KLHL32: variants seen among roughly 807,000 people sequenced by gnomAD.
KLHL32 encodes the protein kelch-like protein 32.
A neutral mutation model predicts 64.8 loss-of-function variants in KLHL32; 35 were observed. The observed-to-expected ratio is 0.54, with a 90% CI of 0.41 to 0.72. KLHL32 has a LOEUF of 0.72. KLHL32 is among the 30% of genes least tolerant of loss of function. The pLI is 0.00. For synonymous variants in KLHL32, 259 were observed against 281.0 expected (o/e 0.92, Z 0.78); for missense variants, 589 against 768.5 (o/e 0.77, Z 2.76).
intron 4 of KLHL32, among the ~76,000 whole-genome samples, chr6:97,042,248 A>T (rs1373178088): frequency 6.6e-6 from 1 of 152,218 alleles, no homozygotes; most frequent in African/African-American, 2.4e-5. Context: ...AGTATCTTCT[A>T]TGCTAAAATG....
At chr6:97,087,442 GGA>G (rs1793581266) in intron 6 of KLHL32, among the ~76,000 whole-genome samples, 1 of 152,126 alleles carries the variant, frequency 6.6e-6, no homozygotes, top group Non-Finnish European at 1.5e-5. Flanking sequence ...TGGACAGGCT[GGA>G]GACAGATCTA....
chr6:96,937,214 G>C (rs12527378), intron 1 of KLHL32, among the ~76,000 whole-genome samples: 9,952 of 152,156 alleles, frequency 0.065, 399 homozygotes, highest in Middle Eastern at 0.14. Context: ...GTTCCCTCAT[G>C]CCCATTTGCA....
chr6:97,023,250 A>G (rs1193190954), intron 3 of KLHL32, among the ~76,000 whole-genome samples: 1 of 152,246 alleles, frequency 6.6e-6, no homozygotes, highest in Non-Finnish European at 1.5e-5. Flanking sequence ...TTTTTAAAAC[A>G]TTTGAAGGCA....
intron 1 of KLHL32, among the ~76,000 whole-genome samples, chr6:96,951,800 C>G (rs923941358): frequency 1.3e-5 from 2 of 152,096 alleles, no homozygotes; most frequent in Non-Finnish European, 2.9e-5. Flanking sequence ...AAATAATCCA[C>G]AAGGCTTGTT....
chr6:97,110,537 G>A (rs1796975389), intron 6 of KLHL32, among the ~76,000 whole-genome samples: 1 of 152,190 alleles, frequency 6.6e-6, no homozygotes, highest in African/African-American at 2.4e-5. Flanking sequence ...GCCTTAGAGA[G>A]TTTAGTGATT....
chr6:96,912,324 C>G, the KLHL32 span, among the ~76,000 whole-genome samples: 3 of 152,150 alleles, frequency 2.0e-5, no homozygotes, highest in Admixed American at 6.5e-5. Flanking sequence ...TGCTCATCAC[C>G]CTGATTAACC....
At chr6:96,996,290 T>C (rs1013336575) in intron 3 of KLHL32, among the ~76,000 whole-genome samples, 1 of 152,236 alleles carries the variant, frequency 6.6e-6, no homozygotes, top group Non-Finnish European at 1.5e-5. Context: ...GAAAATTAAA[T>C]ATTTGAGCAT....
At chr6:97,026,618 C>T (rs77224390) in intron 3 of KLHL32, among the ~76,000 whole-genome samples, 4,904 of 152,100 alleles carry the variant, frequency 0.032, 241 homozygotes, top group African/African-American at 0.11. Flanking sequence ...AATGCAAGAT[C>T]GAAGGGAGGG....
intron 3 of KLHL32, among the ~76,000 whole-genome samples, chr6:97,019,495 C>T (rs1019923790): frequency 2.0e-5 from 3 of 152,178 alleles, no homozygotes; most frequent in Non-Finnish European, 2.9e-5. Flanking sequence ...TGGGCCACCC[C>T]GGTAAGGTGT....
intron 1 of KLHL32, among the ~76,000 whole-genome samples, chr6:96,948,195 TG>T (rs1257936348): frequency 6.6e-6 from 1 of 152,194 alleles, no homozygotes; most frequent in Non-Finnish European, 1.5e-5. Flanking sequence ...CGCAGCACAA[TG>T]TACAATGAGC....
chr6:97,004,511 G>C (rs1214897258), intron 3 of KLHL32, among the ~76,000 whole-genome samples: 1 of 152,086 alleles, frequency 6.6e-6, no homozygotes, highest in Non-Finnish European at 1.5e-5. Flanking sequence ...TTCCAGTGCT[G>C]TGTTGAATAG....
intron 3 of KLHL32, among the ~76,000 whole-genome samples, chr6:97,016,426 C>T (rs1157168959): frequency 1.3e-5 from 2 of 152,180 alleles, no homozygotes; most frequent in Non-Finnish European, 2.9e-5. Flanking sequence ...TTAATGACTG[C>T]CTTGTTGGAT....
At chr6:96,910,254 A>C in the KLHL32 span, among the ~76,000 whole-genome samples, 1 of 152,086 alleles carries the variant, frequency 6.6e-6, no homozygotes, top group Non-Finnish European at 1.5e-5. Context: ...CCAGGGAAAA[A>C]GAACAAGAAA....
At chr6:97,055,807 A>G (rs898194610) in intron 4 of KLHL32, among the ~76,000 whole-genome samples, 1 of 146,094 alleles carries the variant, frequency 6.8e-6, no homozygotes, top group African/African-American at 2.5e-5. Context: ...AAAAAAAAAA[A>G]AAAAAAAAAA....
chr6:97,124,377 G>T (rs1798674019), intron 7 of KLHL32, among the ~76,000 whole-genome samples: 1 of 152,138 alleles, frequency 6.6e-6, no homozygotes, highest in Non-Finnish European at 1.5e-5. Flanking sequence ...GTATGTAAGG[G>T]TAAAGAATCT....
chr6:96,994,403 T>C, intron 3 of KLHL32: 1 of 665,640 alleles, frequency 1.5e-6, no homozygotes, highest in Non-Finnish European at 1.9e-6. Context: ...AATAAAACTA[T>C]ACAAATTATT....
At chr6:97,133,175 A>C in intron 10 of KLHL32, among the ~76,000 whole-genome samples, 1 of 152,126 alleles carries the variant, frequency 6.6e-6, no homozygotes, top group East Asian at 1.9e-4. Flanking sequence ...TTCTTCCTTC[A>C]CGGCAGAGGC....
chr6:97,028,033 C>A (rs1199691527), intron 3 of KLHL32, among the ~76,000 whole-genome samples: 1 of 152,130 alleles, frequency 6.6e-6, no homozygotes, highest in East Asian at 1.9e-4. Flanking sequence ...CAAGGGACAG[C>A]CTGTCATGAA....
chr6:97,101,624 A>G (rs1795738072), intron 6 of KLHL32, among the ~76,000 whole-genome samples: 1 of 152,232 alleles, frequency 6.6e-6, no homozygotes, highest in Non-Finnish European at 1.5e-5. Context: ...TCATTCATTC[A>G]TTCATGCATT....
Sources: gnomAD v4.1 joint callset for allele counts (sites outside exome capture counted in the v4.1 genomes callset) on GRCh38, gnomAD v4.1.1 for gene constraint, MANE v1.5 for transcripts, NCBI Gene and HGNC (gene_info 2026-07-23, HGNC 2026-07-21) for gene names.